Variants in GRM7 observed in about 807,000 individuals in gnomAD.
GRM7 encodes metabotropic glutamate receptor 7.
GRM7 carries 35 observed loss-of-function variants against 84.5 expected under a neutral mutation model. That is an observed-to-expected ratio of 0.41 (90% CI 0.32 to 0.55). The LOEUF is 0.55. Among genes scored for constraint, GRM7 ranks in the 20% least tolerant of loss-of-function variants. GRM7 has a pLI of 0.19. For synonymous variants in GRM7, 487 were observed against 455.1 expected, an observed-to-expected ratio of 1.07 and a Z score of -0.89; for missense variants, 1,003 against 1,194.6, an observed-to-expected ratio of 0.84 and a Z score of 2.36.
chr3:7,271,357 A>G (rs1271109727), intron 2 of GRM7, among the ~76,000 whole-genome samples: 1 of 152,020 alleles, frequency 6.6e-6, no homozygotes, highest in Non-Finnish European at 1.5e-5. Context: ...CAGGAGATCG[A>G]GACCATCCTG....
At chr3:7,329,862 A>C (rs1309191207) in intron 4 of GRM7, among the ~76,000 whole-genome samples, 1 of 152,094 alleles carries the variant, frequency 6.6e-6, no homozygotes, top group Non-Finnish European at 1.5e-5. Flanking sequence ...AAATGTACTT[A>C]TTTGAGTAAA....
At chr3:7,625,780 A>C (rs187291433) in intron 8 of GRM7, among the ~76,000 whole-genome samples, 5 of 152,310 alleles carry the variant, frequency 3.3e-5, no homozygotes, top group African/African-American at 9.6e-5. Context: ...TGACGATGAG[A>C]TATCCAAGTA....
At chr3:7,024,834 A>G (rs1472974085) in intron 1 of GRM7, among the ~76,000 whole-genome samples, 1 of 152,218 alleles carries the variant, frequency 6.6e-6, no homozygotes, top group African/African-American at 2.4e-5. Flanking sequence ...GATTTTTCAC[A>G]GGTAGAAGTA....
At chr3:6,887,884 C>G (rs921618805) in intron 1 of GRM7, among the ~76,000 whole-genome samples, 19 of 152,190 alleles carry the variant, frequency 1.2e-4, no homozygotes, top group Non-Finnish European at 1.6e-4. Context: ...ACATCCTCTC[C>G]AGCACCTGTT....
intron 7 of GRM7, among the ~76,000 whole-genome samples, chr3:7,548,152 T>C (rs929318954): frequency 1.1e-4 from 17 of 152,226 alleles, no homozygotes; most frequent in African/African-American, 3.4e-4. Flanking sequence ...TGAGGCCTAA[T>C]GGGAAGCATT....
intron 1 of GRM7, among the ~76,000 whole-genome samples, chr3:7,108,403 T>C (rs868444741): frequency 3.9e-5 from 6 of 152,088 alleles, no homozygotes; most frequent in Non-Finnish European, 1.5e-5. Flanking sequence ...ACAGGTCCAC[T>C]ACCATGGCTC....
intron 5 of GRM7, among the ~76,000 whole-genome samples, chr3:7,426,447 C>A (rs931044397): frequency 3.3e-5 from 5 of 152,204 alleles, no homozygotes; most frequent in African/African-American, 1.2e-4. Flanking sequence ...TTTTTCTTGC[C>A]ACAGGGCCTT....
intron 1 of GRM7, among the ~76,000 whole-genome samples, chr3:7,036,492 T>C (rs11713183): frequency 0.45 from 68,829 of 151,788 alleles, 16,852 homozygotes; most frequent in South Asian, 0.6. Flanking sequence ...TTACATGGGA[T>C]TATAGAATCT....
chr3:7,134,713 A>G (rs1309002529), intron 1 of GRM7, among the ~76,000 whole-genome samples: 1 of 152,142 alleles, frequency 6.6e-6, no homozygotes, highest in Non-Finnish European at 1.5e-5. Flanking sequence ...GTGGTTCCTC[A>G]GGCAAATCTG....
chr3:7,656,487 C>CTCTG (rs1435495713), intron 8 of GRM7, among the ~76,000 whole-genome samples: 1 of 147,250 alleles, frequency 6.8e-6, no homozygotes, highest in East Asian at 2.0e-4. Flanking sequence ...CAGAGCAAGA[C>CTCTG]TCTGTCTCAA....
chr3:7,647,565 T>A (rs183237374), intron 8 of GRM7, among the ~76,000 whole-genome samples: 25 of 151,802 alleles, frequency 1.6e-4, no homozygotes, highest in African/African-American at 5.8e-4. Flanking sequence ...CAATGGGGAG[T>A]TGGAAGTATG....
chr3:7,568,268 G>C (rs1694421223), intron 7 of GRM7, among the ~76,000 whole-genome samples: 1 of 151,736 alleles, frequency 6.6e-6, no homozygotes, highest in Admixed American at 6.6e-5. Flanking sequence ...AGATGTATTA[G>C]ACTGTTTTCA....
chr3:7,329,472 T>A (rs1205780379), intron 4 of GRM7, among the ~76,000 whole-genome samples: 4 of 152,182 alleles, frequency 2.6e-5, no homozygotes, highest in Non-Finnish European at 5.9e-5. Context: ...TATGTGGAGC[T>A]GCCCAGTGAT....
intron 1 of GRM7, among the ~76,000 whole-genome samples, chr3:7,104,799 T>A (rs1204743114): frequency 6.6e-6 from 1 of 151,820 alleles, no homozygotes; most frequent in Non-Finnish European, 1.5e-5. Flanking sequence ...CTTCTCAGGC[T>A]CACAAAATGA....
At position 7,729,053 on chromosome 3, in the gene GRM7, TTTTTTTC is replaced by T. The variant is rs1239715316; in HGVS notation, c.2699-11303_2699-11297del. ...ATAATGCCCTCAGGCTTTTTTTTTTTTTTTTTCCCCATAGTTTTGGGGATTCCATGAC... is the reference window on the plus strand; with the variant it reads ...ATAATGCCCTCAGGCTTTTTTTTTTTCCCATAGTTTTGGGGATTCCATGAC... On this transcript the variant is annotated intron_variant, in intron 9 of 9. Coordinates refer to ENST00000357716, the MANE Select transcript of GRM7 (RefSeq NM_000844.4). Among the ~76,000 whole-genome samples, 202 of 54,090 alleles carry T rather than the reference TTTTTTTC, an allele frequency of 3.7e-3. 3 individuals carry two copies. The highest frequency in any genetic ancestry group is 0.012 in the African/African-American group (197 of 16,178). The allele number at this position is 54,090 out of a possible 152,430, so 35.5% of individuals were successfully genotyped here. A position where few individuals can be genotyped will look rare whatever the true frequency, so the allele number is the denominator to read the frequency against.
intron 1 of GRM7, among the ~76,000 whole-genome samples, chr3:7,064,479 T>TATATATACACAC: frequency 1.5e-4 from 15 of 99,372 alleles, no homozygotes; most frequent in African/African-American, 5.4e-4. Flanking sequence ...TATATATATA[T>TATATATACACAC]ACACACATAT....
chr3:7,669,609 C>CA (rs1258330263), intron 8 of GRM7, among the ~76,000 whole-genome samples: 1 of 152,136 alleles, frequency 6.6e-6, no homozygotes, highest in Non-Finnish European at 1.5e-5. Context: ...AGTCGAAGAA[C>CA]ATGTGGAAGA....
chr3:7,649,219 A>C (rs56370636), intron 8 of GRM7, among the ~76,000 whole-genome samples: 2 of 151,456 alleles, frequency 1.3e-5, no homozygotes, highest in African/African-American at 2.4e-5. Context: ...ACAGGCACCC[A>C]CTACCACGCC....
intron 1 of GRM7, among the ~76,000 whole-genome samples, chr3:6,913,663 T>G (rs974909683): frequency 6.6e-6 from 1 of 152,238 alleles, no homozygotes; most frequent in Non-Finnish European, 1.5e-5. Flanking sequence ...TCTTTATTCA[T>G]AAAGTGATGT....
Sources: gnomAD v4.1 joint callset for allele counts (sites outside exome capture counted in the v4.1 genomes callset) on GRCh38, gnomAD v4.1.1 for gene constraint, MANE v1.5 for transcripts, NCBI Gene and HGNC (gene_info 2026-07-23, HGNC 2026-07-21) for gene names.